PCDHA8: variants seen among roughly 807,000 people sequenced by gnomAD.
The protein encoded by PCDHA8 is protocadherin alpha-8.
PCDHA8 carries 53 observed loss-of-function variants against 61.8 expected under a neutral mutation model. That is an observed-to-expected ratio of 0.86 (90% CI 0.69 to 1.08). The LOEUF (loss-of-function observed/expected upper bound fraction) is 1.08. Ranked by LOEUF, PCDHA8 falls within the 50% of genes least tolerant of loss-of-function variation. The pLI is 0.00. For synonymous variants in PCDHA8, 618 were observed against 556.6 expected (o/e 1.11, Z -1.55); for missense variants, 1,293 against 1,245.0 (o/e 1.04, Z -0.58).
In PCDHA8 at chr5:140,842,635, C is replaced by G. The variant is rs1330338408; in HGVS notation, c.1314C>G (p.Thr438=). Residue 438 remains threonine, a synonymous_variant, in exon 1 of 4, where the codon ACC becomes ACG. Coordinates refer to ENST00000531613, the MANE Select transcript of PCDHA8 (RefSeq NM_018911.3). ...RDGGSPSLWA[T]ASLSVEVADV... ...GGGGCTCGCCTTCGCTGTGGGCCAC[C>G]GCCAGCTTGTCTGTGGAGGTGGCCG... The G allele has an allele frequency of 1.9e-6, 3 of 1,590,774 alleles. No homozygotes were observed. Among genetic ancestry groups the G allele is most frequent in the South Asian group, 1.1e-5 (1 of 90,362 alleles).
intron 1 of PCDHA8, chr5:140,883,017 C>G: frequency 6.2e-7 from 1 of 1,614,054 alleles, no homozygotes. Context: ...TATAAAGTGA[C>G]GGTGTTAGAG....
intron 1 of PCDHA8, among the ~76,000 whole-genome samples, chr5:140,959,620 G>GA (rs1247214459): frequency 4.6e-5 from 7 of 151,966 alleles, no homozygotes; most frequent in African/African-American, 1.4e-4. Context: ...GCTTGTGATA[G>GA]AAAAAAAGAG....
intron 1 of PCDHA8, chr5:140,870,786 G>T: frequency 6.2e-7 from 1 of 1,613,634 alleles, no homozygotes; most frequent in East Asian, 2.2e-5. Context: ...ACGACAACGC[G>T]CCGGCACTGC....
chr5:140,881,579 C>T (rs1299755224), intron 1 of PCDHA8, among the ~76,000 whole-genome samples: 1 of 152,168 alleles, frequency 6.6e-6, no homozygotes, highest in Non-Finnish European at 1.5e-5. Context: ...TCTCAAGTCA[C>T]ATTGAGGGAA....
At chr5:140,976,578 A>C (rs997881753) in intron 1 of PCDHA8, among the ~76,000 whole-genome samples, 1 of 152,204 alleles carries the variant, frequency 6.6e-6, no homozygotes, top group Admixed American at 6.5e-5. Context: ...TATAAATAAA[A>C]CACAGACTTT....
At chr5:140,883,388 G>T (rs2059587175) in intron 1 of PCDHA8, 2 of 1,614,164 alleles carry the variant, frequency 1.2e-6, no homozygotes, top group Non-Finnish European at 1.7e-6. Context: ...CCTAATCAGT[G>T]TGTCCGATCG....
At chr5:140,924,944 TAA>T (rs11334471) in intron 1 of PCDHA8, among the ~76,000 whole-genome samples, 87 of 142,948 alleles carry the variant, frequency 6.1e-4, no homozygotes, top group African/African-American at 2.0e-3. Flanking sequence ...AATAAAAAGT[TAA>T]AAAAAAAATG....
intron 1 of PCDHA8, chr5:140,884,195 C>T: frequency 6.2e-7 from 1 of 1,613,394 alleles, no homozygotes; most frequent in Non-Finnish European, 8.5e-7. Flanking sequence ...GGTGGACGCG[C>T]CGCACCACCG....
chr5:140,841,877 A>T lies in PCDHA8; in HGVS notation c.556A>T (p.Asn186Tyr). The T allele has an allele frequency of 6.2e-7, 1 of 1,613,820 alleles. No homozygotes were observed. The highest frequency in any genetic ancestry group is 8.5e-7 in the Non-Finnish European group (1 of 1,179,822). The change falls in exon 1 of 4, where the codon AAC (asparagine) becomes TAC (tyrosine). Residue 186 changes from asparagine (N) to tyrosine (Y), a missense_variant. Asn to Tyr is a moderately radical substitution (Grantham distance 143). Coordinates refer to ENST00000531613, the MANE Select transcript of PCDHA8 (RefSeq NM_018911.3). ...CTTCATGCTAGATGTGAATTCAAAG[A>T]ACGATGAGAATAAACTGGTTGAGCT... ...DYFMLDVNSK[N>Y]DENKLVELVL...
intron 1 of PCDHA8, among the ~76,000 whole-genome samples, chr5:140,917,523 G>A (rs1201312809): frequency 2.0e-5 from 3 of 152,182 alleles, no homozygotes; most frequent in Non-Finnish European, 4.4e-5. Context: ...TTATTCTACG[G>A]TTTGTATAGT....
intron 1 of PCDHA8, among the ~76,000 whole-genome samples, chr5:140,964,181 T>A (rs1563333888): frequency 6.6e-6 from 1 of 152,218 alleles, no homozygotes; most frequent in African/African-American, 2.4e-5. Context: ...ATCATTATAG[T>A]GCCAAATAGA....
At chr5:140,990,988 C>A (rs1332573282) in intron 3 of PCDHA8, among the ~76,000 whole-genome samples, 5 of 152,184 alleles carry the variant, frequency 3.3e-5, no homozygotes, top group Admixed American at 6.5e-5. Flanking sequence ...AAGACAATAG[C>A]TACCATTTAT....
chr5:140,983,207 T>A (rs999147697), intron 3 of PCDHA8, among the ~76,000 whole-genome samples: 1 of 152,236 alleles, frequency 6.6e-6, no homozygotes, highest in Non-Finnish European at 1.5e-5. Flanking sequence ...TAATAGGGAC[T>A]ATTTCCTAAT....
intron 1 of PCDHA8, among the ~76,000 whole-genome samples, chr5:140,921,390 T>G (rs2080194479): frequency 6.6e-6 from 1 of 152,164 alleles, no homozygotes; most frequent in Non-Finnish European, 1.5e-5. Context: ...TTGATAAACA[T>G]TCACACTAGA....
At chr5:140,920,412 ACAGCTGTTCTC>A (rs1294144005) in intron 1 of PCDHA8, among the ~76,000 whole-genome samples, 2 of 152,146 alleles carry the variant, frequency 1.3e-5, no homozygotes, top group African/African-American at 4.8e-5. Context: ...TTAATCAGAT[ACAGCTGTTCTC>A]CCACACACCT....
intron 1 of PCDHA8, among the ~76,000 whole-genome samples, chr5:140,878,558 C>T: frequency 6.6e-6 from 1 of 152,172 alleles, no homozygotes; most frequent in African/African-American, 2.4e-5. Flanking sequence ...TGATCCCAAA[C>T]TTATCATAGT....
chr5:140,912,359 G>A (rs1483575347), intron 1 of PCDHA8, among the ~76,000 whole-genome samples: 1 of 131,950 alleles, frequency 7.6e-6, no homozygotes, highest in Non-Finnish European at 1.6e-5. Context: ...TTTTTTTTTT[G>A]CAGCTGTTGT....
chr5:140,847,401 A>G (rs1780996739), intron 1 of PCDHA8: 1 of 149,750 alleles, frequency 6.7e-6, no homozygotes. Context: ...TAATGGCACA[A>G]TAAACACTCA....
intron 3 of PCDHA8, among the ~76,000 whole-genome samples, chr5:141,006,287 C>A (rs1407881243): frequency 6.6e-6 from 1 of 152,060 alleles, no homozygotes; most frequent in African/African-American, 2.4e-5. Flanking sequence ...TCTCAGCTCA[C>A]TGCAAGCTCC....
Sources: gnomAD v4.1 joint callset for allele counts (sites outside exome capture counted in the v4.1 genomes callset) on GRCh38, gnomAD v4.1.1 for gene constraint, MANE v1.5 for transcripts, NCBI Gene and HGNC (gene_info 2026-07-23, HGNC 2026-07-21) for gene names.